The following ESR2 variants were observed in gnomAD, a reference collection of about 807,000 sequenced individuals.
ESR2 encodes the protein estrogen receptor beta.
In ESR2, 36 loss-of-function variants were observed where a neutral mutation model predicts 49.6. That is an observed-to-expected ratio of 0.73 (90% CI 0.56 to 0.96). The LOEUF is 0.96. Ranked by LOEUF, ESR2 falls within the 40% of genes least tolerant of loss-of-function variation. The pLI is 0.00. For synonymous variants in ESR2, 320 were observed against 266.1 expected (o/e 1.20, Z -1.97); for missense variants, 714 against 693.0 (o/e 1.03, Z -0.34).
At chr14:64,251,193 C>CA (rs1360593745) in intron 6 of ESR2, among the ~76,000 whole-genome samples, 2 of 151,230 alleles carry the variant, frequency 1.3e-5, no homozygotes, top group African/African-American at 4.9e-5. Flanking sequence ...AGAGATAACA[C>CA]AAAAAACACC....
chr14:64,322,092 CTT>C (rs2077331155), intron 1 of ESR2, among the ~76,000 whole-genome samples: 1 of 152,032 alleles, frequency 6.6e-6, no homozygotes, highest in Admixed American at 6.6e-5. Context: ...GAGTTTTGCT[CTT>C]GTCACCCAGG....
intron 2 of ESR2, 148 bp downstream of exon 2, chr14:64,282,476 A>G: frequency 1.3e-6 from 1 of 775,114 alleles, no homozygotes; most frequent in Non-Finnish European, 2.0e-6. Context: ...AGAATAGAAC[A>G]GGGCATCCTG....
chr14:64,285,689 G>A (rs1412316353), intron 1 of ESR2, among the ~76,000 whole-genome samples: 22 of 152,006 alleles, frequency 1.4e-4, no homozygotes, highest in Non-Finnish European at 2.9e-4. Flanking sequence ...TTAGCCAGGC[G>A]TGGTGGTGCA....
In ESR2 at chr14:64,229,209, G is replaced by A. The variant is rs1472002201; in HGVS notation, c.*3928C>T. On this transcript the variant is annotated 3_prime_UTR_variant, in exon 9 of 9. Transcript: ENST00000341099. ...AGACCCATCTAAGCTGAGGAGATGG[G>A]ATCTAAAGGTACAGCAGAAGACAAC... Among the ~76,000 whole-genome samples the A allele has an allele frequency of 6.6e-6, 1 of 152,054 alleles. No homozygotes were observed. The highest frequency in any genetic ancestry group is 1.5e-5 in the Non-Finnish European group (1 of 68,008).
downstream of ESR2, chr14:64,227,833 C>T (rs758114722): frequency 1.1e-5 from 18 of 1,583,286 alleles, no homozygotes; most frequent in East Asian, 4.5e-5. Context: ...GGTTTTATAT[C>T]GTCTGCAAAT....
chr14:64,249,742 A>G (rs924721348), intron 6 of ESR2, 63 bp from the exon 7 acceptor site: 6 of 1,503,378 alleles, frequency 4.0e-6, no homozygotes, highest in Non-Finnish European at 5.4e-6. Flanking sequence ...AAAAACAATA[A>G]GGAATGTTTT....
At chr14:64,247,683 G>C (rs908180364) in intron 7 of ESR2, among the ~76,000 whole-genome samples, 1 of 152,202 alleles carries the variant, frequency 6.6e-6, no homozygotes, top group Non-Finnish European at 1.5e-5. Flanking sequence ...GGCTCGACAA[G>C]AGTAAATGGC....
In ESR2 at chr14:64,231,926, T is replaced by C. The variant is rs1365591309; in HGVS notation, c.*1211A>G. The stretch of plus-strand genomic sequence containing the variant: ...GGAATAAGAACTAATATTTTTACTG[T>C]TTCTTTTTCACCCTGCCCACCATAT... On this transcript the variant is annotated 3_prime_UTR_variant, in exon 9 of 9. Transcript: ENST00000341099. 6.6e-5 allele frequency: 10 copies of C among 152,232 alleles called. No homozygotes were observed. The highest frequency in any genetic ancestry group is 6.5e-4 in the Admixed American group (10 of 15,284). 9.4% of individuals were successfully genotyped at this position (152,232 alleles called of 1,614,324 possible). A position where few individuals can be genotyped will look rare whatever the true frequency, so the allele number is the denominator to read the frequency against.
At chr14:64,245,899 TTGA>T in intron 7 of ESR2, among the ~76,000 whole-genome samples, 1 of 152,340 alleles carries the variant, frequency 6.6e-6, no homozygotes, top group South Asian at 2.1e-4. Flanking sequence ...CATCTGGCAT[TTGA>T]TGATCTTCCA....
intron 5 of ESR2, among the ~76,000 whole-genome samples, chr14:64,259,211 A>G (rs1171953934): frequency 6.6e-6 from 1 of 152,214 alleles, no homozygotes; most frequent in Non-Finnish European, 1.5e-5. Flanking sequence ...ACAAAATACA[A>G]CTAGAAACCA....
At chr14:64,260,874 T>C in intron 4 of ESR2, 126 bp from the exon 5 acceptor site, 1 of 806,398 alleles carries the variant, frequency 1.2e-6, no homozygotes, top group East Asian at 3.2e-5. Context: ...GTGACCGTAC[T>C]AGCAAAACCA....
At chr14:64,246,146 C>T (rs1164044616) in intron 7 of ESR2, among the ~76,000 whole-genome samples, 1 of 152,200 alleles carries the variant, frequency 6.6e-6, no homozygotes, top group Non-Finnish European at 1.5e-5. Context: ...AGTTCAAGAC[C>T]AGCCTGGACA....
At chr14:64,269,199 T>G (rs2076390290) in intron 3 of ESR2, among the ~76,000 whole-genome samples, 1 of 152,224 alleles carries the variant, frequency 6.6e-6, no homozygotes, top group Admixed American at 6.5e-5. Context: ...ATGTGGAAAA[T>G]AAGACTAACA....
At chr14:64,316,947 T>C (rs1202171744) in intron 1 of ESR2, among the ~76,000 whole-genome samples, 2 of 152,188 alleles carry the variant, frequency 1.3e-5, no homozygotes, top group Non-Finnish European at 2.9e-5. Context: ...GGGGTTGTAT[T>C]TGGCCATTCT....
chr14:64,300,912 A>T (rs2077014342), intron 1 of ESR2, among the ~76,000 whole-genome samples: 1 of 152,192 alleles, frequency 6.6e-6, no homozygotes, highest in Non-Finnish European at 1.5e-5. Flanking sequence ...ACAAGGAAAT[A>T]TGAGGGTGTT....
intron 7 of ESR2, among the ~76,000 whole-genome samples, chr14:64,248,164 A>T (rs2075905956): frequency 6.6e-6 from 1 of 152,116 alleles, no homozygotes; most frequent in Admixed American, 6.6e-5. Flanking sequence ...ACTGCATTCC[A>T]GCCTGGGCAA....
intron 4 of ESR2, among the ~76,000 whole-genome samples, chr14:64,261,255 T>TTTTATAAG (rs2076218947): frequency 6.8e-6 from 1 of 146,652 alleles, no homozygotes; most frequent in Non-Finnish European, 1.5e-5. Flanking sequence ...TTTTTTTTTT[T>TTTTATAAG]GAGACGGAGC....
intron 1 of ESR2, among the ~76,000 whole-genome samples, chr14:64,302,158 A>T (rs910700258): frequency 1.4e-3 from 159 of 113,334 alleles, no homozygotes; most frequent in African/African-American, 5.1e-3. Context: ...TTTATTTTTT[A>T]TTTTTATTTA....
chr14:64,271,707 A>G (rs1171683530), intron 3 of ESR2, among the ~76,000 whole-genome samples: 1 of 152,232 alleles, frequency 6.6e-6, no homozygotes, highest in Non-Finnish European at 1.5e-5. Context: ...CATGACCTCC[A>G]GTTGCATCTG....
Sources: allele counts gnomAD v4.1 joint callset (sites outside exome capture counted in the v4.1 genomes callset), GRCh38; gene constraint gnomAD v4.1.1; transcripts MANE v1.5; gene names NCBI Gene and HGNC (gene_info 2026-07-23, HGNC 2026-07-21).